The following GGH variants were observed in gnomAD, a reference collection of about 807,000 sequenced individuals.
GGH encodes the protein gamma-glutamyl hydrolase, also known as gamma-Glu-X carboxypeptidase.
GGH carries 18 observed loss-of-function variants against 39.2 expected under a neutral mutation model. The ratio of observed to expected loss-of-function variants is 0.46; its 90% confidence interval spans 0.32 to 0.68. The LOEUF is 0.68. Ranked by LOEUF, GGH falls within the 30% of genes least tolerant of loss-of-function variation. The probability of loss-of-function intolerance (pLI) is 0.04; values close to 1 mark genes in which losing one functional copy is unlikely to be tolerated. For missense variants in GGH, 367 were observed against 384.1 expected, an observed-to-expected ratio of 0.96 and a Z score of 0.37; for synonymous variants, 147 against 138.8, an observed-to-expected ratio of 1.06 and a Z score of -0.42.
intron 8 of GGH, among the ~76,000 whole-genome samples, chr8:63,016,066 C>T (rs1050101663): frequency 6.6e-6 from 1 of 152,112 alleles, no homozygotes; most frequent in African/African-American, 2.4e-5. Context: ...TTATGAAAAA[C>T]CAGGAGGCAC....
chr8:63,038,800 G>A lies in GGH; in HGVS notation c.-32C>T. ...CGCCGCCTCCCGCCGCCTTTCAAAAGCTCTGCGGGCGGGCGGGGGCTGCGG... is the reference window on the plus strand; with the variant it reads ...CGCCGCCTCCCGCCGCCTTTCAAAAACTCTGCGGGCGGGCGGGGGCTGCGG... On this transcript the variant is annotated 5_prime_UTR_variant, in exon 1 of 9. Coordinates refer to ENST00000260118, the MANE Select transcript of GGH (RefSeq NM_003878.3). 3.7e-6 allele frequency: 5 copies of A among 1,360,268 alleles called. No individual in the cohort carries two copies. The highest frequency in any genetic ancestry group is 4.0e-6 in the Non-Finnish European group (4 of 1,011,506). 84.3% of individuals were successfully genotyped at this position (1,360,268 alleles called of 1,614,324 possible).
chr8:63,017,910 T>C (rs1313047170), intron 7 of GGH: 3 of 276,764 alleles, frequency 1.1e-5, no homozygotes, highest in African/African-American at 6.6e-5. Flanking sequence ...AATCTATCCC[T>C]GTCCAAAAGT....
At chr8:63,038,301 T>G (rs988125992) in intron 1 of GGH, among the ~76,000 whole-genome samples, 1 of 152,206 alleles carries the variant, frequency 6.6e-6, no homozygotes, top group Non-Finnish European at 1.5e-5. Context: ...TGTACAGAAT[T>G]TGTAGATGTA....
intron 1 of GGH, 82 bp downstream of exon 1, chr8:63,038,578 A>T: frequency 1.4e-6 from 1 of 694,404 alleles, no homozygotes. Context: ...GGGACGCGCC[A>T]GCTGGAGCGC....
chr8:63,023,892 G>A lies in GGH; in HGVS notation c.697+15C>T. 6.7e-7 allele frequency: 1 copy of A among 1,493,464 alleles called. No individual in the cohort carries two copies. The highest frequency in any genetic ancestry group is 9.1e-7 in the Non-Finnish European group (1 of 1,100,310). The allele number at this position is 1,493,464 out of a possible 1,614,324, so 92.5% of individuals were successfully genotyped here. On this transcript the variant is annotated intron_variant, in intron 7 of 8. Transcript: ENST00000260118. ...AAAATAAGTGAAATAAAGTATACAT[G>A]TTATAGTGATATACCTTCCATTGTT...
At chr8:63,033,986 TA>T (rs1201512294) in intron 2 of GGH, among the ~76,000 whole-genome samples, 1 of 100,152 alleles carries the variant, frequency 1.0e-5, no homozygotes, top group Non-Finnish European at 2.3e-5. Context: ...TCTCTCCTTA[TA>T]TATATATATA....
At position 63,035,734 on chromosome 8, in the gene GGH, T is replaced by C; in HGVS notation, c.146A>G (p.Lys49Arg). 1 of 1,613,776 alleles carries C rather than the reference T, an allele frequency of 6.2e-7. No individual in the cohort carries two copies. Reference sequence around the variant, plus strand: ...AGCAATATAGTATCTTCCATAGTTTTTCATGACTTTATTACGGCATTTTTG... The same window carrying C: ...AGCAATATAGTATCTTCCATAGTTTCTCATGACTTTATTACGGCATTTTTG... ...LMQKCRNKVM[K>R]NYGRYYIAAS... Residue 49 changes from lysine (K) to arginine (R), a missense_variant, in exon 2 of 9, where the codon AAA becomes AGA. Coordinates refer to ENST00000260118, the MANE Select transcript of GGH (RefSeq NM_003878.3).
chr8:63,019,951 C>G (rs906751507), intron 7 of GGH, among the ~76,000 whole-genome samples: 1 of 152,104 alleles, frequency 6.6e-6, no homozygotes, highest in Non-Finnish European at 1.5e-5. Context: ...TTCACAGGAC[C>G]CTCAGTTCTT....
At chr8:63,036,805 T>C (rs35945381) in intron 1 of GGH, among the ~76,000 whole-genome samples, 34,312 of 152,086 alleles carry the variant, frequency 0.23, 3,972 homozygotes, top group South Asian at 0.27. Context: ...GCCAGGTGAG[T>C]GAAAGCAGAA....
intron 7 of GGH, among the ~76,000 whole-genome samples, chr8:63,018,610 A>G (rs949882908): frequency 6.6e-6 from 1 of 152,112 alleles, no homozygotes; most frequent in East Asian, 1.9e-4. Context: ...AGCTCCAGGC[A>G]CTCAGCTCCC....
chr8:63,022,686 T>TC (rs566595219), intron 7 of GGH, among the ~76,000 whole-genome samples: 32 of 151,812 alleles, frequency 2.1e-4, no homozygotes, highest in Middle Eastern at 3.4e-3. Context: ...AGCTTTTTTT[T>TC]TTTTTCTTTT....
chr8:63,021,569 T>C (rs1279202299), intron 7 of GGH, among the ~76,000 whole-genome samples: 1 of 152,116 alleles, frequency 6.6e-6, no homozygotes, highest in Admixed American at 6.6e-5. Context: ...TCCATTTGCA[T>C]TCCCTGATCA....
intron 7 of GGH, among the ~76,000 whole-genome samples, chr8:63,020,804 C>T (rs1804571661): frequency 6.6e-6 from 1 of 152,144 alleles, no homozygotes; most frequent in African/African-American, 2.4e-5. Flanking sequence ...AGACTTCATC[C>T]TCCAATGCAG....
intron 5 of GGH, 41 bp downstream of exon 5, chr8:63,026,117 C>T (rs1231516433): frequency 6.7e-7 from 1 of 1,492,450 alleles, no homozygotes. Context: ...CTAATCCTGC[C>T]CAGCAAATAT....
chr8:63,025,402 T>G (rs952852586), intron 5 of GGH: 2 of 152,172 alleles, frequency 1.3e-5, no homozygotes, highest in Non-Finnish European at 2.9e-5. Flanking sequence ...AACGTTCCAG[T>G]AAAAACTCTA....
At chr8:63,021,393 G>A (rs1804582131) in intron 7 of GGH, among the ~76,000 whole-genome samples, 1 of 152,160 alleles carries the variant, frequency 6.6e-6, no homozygotes. Context: ...AAAACTGCCA[G>A]GTAACAAAAC....
chr8:63,038,774 TCGCCGCCTCC>T lies in GGH; in HGVS notation c.-16_-7del. On this transcript the variant is annotated 5_prime_UTR_variant, in exon 1 of 9. Coordinates refer to ENST00000260118, the MANE Select transcript of GGH (RefSeq NM_003878.3). ...AGGCAGCCCGGACTGGCCATGGCGC[TCGCCGCCTCC>T]CGCCGCCTTTCAAAAGCTCTGCGGG... 9 of 1,511,964 alleles carry T rather than the reference TCGCCGCCTCC, an allele frequency of 6.0e-6. No individual in the cohort carries two copies. Among genetic ancestry groups the T allele is most frequent in the Non-Finnish European group, 8.0e-6 (9 of 1,129,560 alleles). The allele number at this position is 1,511,964 out of a possible 1,614,324, so 93.7% of individuals were successfully genotyped here.
chr8:63,027,037 C>A, intron 4 of GGH, 144 bp downstream of exon 4: 1 of 660,938 alleles, frequency 1.5e-6, no homozygotes, highest in Admixed American at 2.6e-5. Flanking sequence ...CGGGAGCAGC[C>A]AAGAACAGGC....
chr8:63,027,387 G>A, intron 3 of GGH, 122 bp from the exon 4 acceptor site: 1 of 539,870 alleles, frequency 1.9e-6, no homozygotes, highest in Non-Finnish European at 3.2e-6. Context: ...TAAGATCCTT[G>A]AAGAAAATTA....
Sources: gnomAD v4.1 joint callset for allele counts (sites outside exome capture counted in the v4.1 genomes callset) on GRCh38, gnomAD v4.1.1 for gene constraint, MANE v1.5 for transcripts, NCBI Gene and HGNC (gene_info 2026-07-23, HGNC 2026-07-21) for gene names.